ITGA9: variants seen among roughly 807,000 people sequenced by gnomAD.
ITGA9 encodes the protein integrin subunit alpha 9.
Under a neutral mutation model 127.8 loss-of-function variants are expected in ITGA9, and 56 were observed. The ratio of observed to expected loss-of-function variants is 0.44; its 90% CI spans 0.35 to 0.55. The LOEUF (loss-of-function observed/expected upper bound fraction) is 0.55, where lower values mean the gene tolerates loss of function less well. Among genes scored for constraint, ITGA9 ranks in the 20% least tolerant of loss-of-function variants. The pLI is 0.00. For missense variants in ITGA9, 1,196 were observed against 1,347.1 expected, an observed-to-expected ratio of 0.89 and a Z score of 1.76; for synonymous variants, 508 against 514.5, an observed-to-expected ratio of 0.99 and a Z score of 0.17.
chr3:37,494,736 G>A (rs1019295304), intron 5 of ITGA9, among the ~76,000 whole-genome samples, 168 bp downstream of exon 5: 12 of 152,162 alleles, frequency 7.9e-5, no homozygotes, highest in African/African-American at 2.9e-4. Flanking sequence ...TACCTGCCCG[G>A]AGGGCACCAG....
At chr3:37,621,221 A>G (rs1161389949) in intron 15 of ITGA9, among the ~76,000 whole-genome samples, 1 of 152,138 alleles carries the variant, frequency 6.6e-6, no homozygotes, top group African/African-American at 2.4e-5. Context: ...GCCTTCCACC[A>G]TGGTTGTGAG....
At chr3:37,505,767 A>G (rs1698834058) in intron 6 of ITGA9, among the ~76,000 whole-genome samples, 1 of 152,210 alleles carries the variant, frequency 6.6e-6, no homozygotes, top group Non-Finnish European at 1.5e-5. Flanking sequence ...TACTTGTCCG[A>G]AAGAAGACAC....
chr3:37,542,647 G>A (rs1699286171), intron 15 of ITGA9, 62 bp downstream of exon 15: 4 of 1,551,040 alleles, frequency 2.6e-6, no homozygotes, highest in East Asian at 4.5e-5. Flanking sequence ...ACTTGGAGCT[G>A]GTGGAAACTA....
rs74637780 is a variant in ITGA9 at position 37,571,140 on chromosome 3, G to A, written c.1689+28555G>A. On this transcript the variant is annotated intron_variant, in intron 15 of 27. Coordinates refer to ENST00000264741, the MANE Select transcript of ITGA9 (RefSeq NM_002207.3). ...TTTTGGGGGCAGGAGGGATTGCATAGCAATACTGCCTACCCAGAGTTGTTG... is the reference window on the plus strand; with the variant it reads ...TTTTGGGGGCAGGAGGGATTGCATAACAATACTGCCTACCCAGAGTTGTTG... Among the ~76,000 whole-genome samples the A allele has an allele frequency of 4.5e-4, 68 of 152,286 alleles. 1 individual carries two copies. The East Asian group carries it at 0.013, about 29-fold the overall frequency.
rs116851381 is a variant in ITGA9, at chr3:37,572,576, G to T, written c.1689+29991G>T. 3.3e-5 allele frequency among the ~76,000 whole-genome samples: 5 copies of T among 152,302 alleles called. No homozygotes were observed. In the East Asian group the frequency reaches 9.6e-4, roughly 29 times the overall value. On this transcript the variant is annotated intron_variant, in intron 15 of 27. Transcript: ENST00000264741. ...CAAATAAGATAATATAGCTCATGCA[G>T]TTAGAATTGGACCTGTCACTTACAG... is the stretch of plus-strand genomic sequence containing the variant.
chr3:37,617,331 C>T (rs1271232994), intron 15 of ITGA9, among the ~76,000 whole-genome samples: 6 of 152,230 alleles, frequency 3.9e-5, no homozygotes, highest in African/African-American at 1.4e-4. Flanking sequence ...CTGAGAGATC[C>T]ACTGTTAGTC....
chr3:37,633,896 G>GTT, intron 16 of ITGA9, among the ~76,000 whole-genome samples: 1 of 152,252 alleles, frequency 6.6e-6, no homozygotes, highest in Middle Eastern at 3.4e-3. Context: ...TTGAAATATG[G>GTT]TTTCTACTGA....
chr3:37,821,019 A>G lies in ITGA9; in HGVS notation c.*2030A>G, dbSNP rs1697508232. 2.0e-5 allele frequency: 3 copies of G among 152,222 alleles called. No individual in the cohort carries two copies. Among genetic ancestry groups the G allele is most frequent in the South Asian group, 4.1e-4 (2 of 4,824 alleles). The allele number at this position is 152,222 out of a possible 1,614,324, so 9.4% of individuals were successfully genotyped here. ...GGTGATGGGTGGGTACTAACCTGGC[A>G]TGGAGCAGGTGTGTCTTTTGGTTTC... On this transcript the variant is annotated 3_prime_UTR_variant, in exon 28 of 28. Coordinates refer to ENST00000264741, the MANE Select transcript of ITGA9 (RefSeq NM_002207.3).
chr3:37,572,922 A>G (rs1699616378), intron 15 of ITGA9, among the ~76,000 whole-genome samples: 1 of 152,240 alleles, frequency 6.6e-6, no homozygotes, highest in Non-Finnish European at 1.5e-5. Flanking sequence ...CTGTAAAATG[A>G]AGATGTGTAG....
At chr3:37,706,284 G>A (rs572144413) in intron 18 of ITGA9, among the ~76,000 whole-genome samples, 51 of 152,096 alleles carry the variant, frequency 3.4e-4, no homozygotes, top group African/African-American at 6.7e-4. Context: ...CTCCCTTTCC[G>A]TCTCAGTTGG....
chr3:37,633,310 G>C (rs1264371295), intron 16 of ITGA9, among the ~76,000 whole-genome samples: 1 of 152,082 alleles, frequency 6.6e-6, no homozygotes, highest in Non-Finnish European at 1.5e-5. Context: ...CTTGACTCAC[G>C]ATGGGGTTAT....
chr3:37,465,811 C>A (rs1439184750), intron 1 of ITGA9, among the ~76,000 whole-genome samples: 1 of 152,164 alleles, frequency 6.6e-6, no homozygotes, highest in Non-Finnish European at 1.5e-5. Flanking sequence ...CAAAGGCTCA[C>A]TGGGGCTTGC....
intron 23 of ITGA9, among the ~76,000 whole-genome samples, chr3:37,765,336 G>A (rs371829942): frequency 1.1e-4 from 16 of 152,258 alleles, no homozygotes; most frequent in African/African-American, 3.1e-4. Flanking sequence ...TATCAGAAAC[G>A]AAAGCTTCTT....
At chr3:37,638,747 A>T (rs1161836410) in intron 16 of ITGA9, among the ~76,000 whole-genome samples, 1 of 152,224 alleles carries the variant, frequency 6.6e-6, no homozygotes, top group Non-Finnish European at 1.5e-5. Flanking sequence ...TCAAATCATG[A>T]TGACCTTTTA....
At chr3:37,568,336 C>T (rs572119479) in intron 15 of ITGA9, among the ~76,000 whole-genome samples, 1 of 152,264 alleles carries the variant, frequency 6.6e-6, no homozygotes, top group East Asian at 1.9e-4. Context: ...ACCATTTTTT[C>T]CTCCTAGGCC....
chr3:37,590,979 C>T (rs931823456), intron 15 of ITGA9, among the ~76,000 whole-genome samples: 1 of 152,172 alleles, frequency 6.6e-6, no homozygotes, highest in African/African-American at 2.4e-5. Flanking sequence ...AGGAAGTCCT[C>T]GCCTCTGCTG....
chr3:37,568,683 G>A lies in ITGA9; in HGVS notation c.1689+26098G>A, dbSNP rs185064117. Among the ~76,000 whole-genome samples, 573 of 152,214 alleles carry A rather than the reference G, an allele frequency of 3.8e-3. 7 individuals carry two copies. Among genetic ancestry groups the A allele is most frequent in the African/African-American group, 0.013 (549 of 41,516 alleles). On this transcript the variant is annotated intron_variant, in intron 15 of 27. Transcript: ENST00000264741. ...AAGTTCCACAAACCTCTAGAGCAGGGGCAAAATGCCACCAGTCTCTTTGCT... is the reference window on the plus strand; with the variant it reads ...AAGTTCCACAAACCTCTAGAGCAGGAGCAAAATGCCACCAGTCTCTTTGCT...
chr3:37,512,176 TTTC>T (rs1698935253), intron 8 of ITGA9, among the ~76,000 whole-genome samples: 1 of 51,640 alleles, frequency 1.9e-5, no homozygotes, highest in East Asian at 5.3e-4. Context: ...TTTCTTTTCT[TTTC>T]TTTTCTTTTC....
At chr3:37,557,901 T>C (rs1296020331) in intron 15 of ITGA9, among the ~76,000 whole-genome samples, 1 of 152,180 alleles carries the variant, frequency 6.6e-6, no homozygotes, top group African/African-American at 2.4e-5. Context: ...AGCAGCCAAG[T>C]CTTGGGTTTG....
Sources: allele counts gnomAD v4.1 joint callset (sites outside exome capture counted in the v4.1 genomes callset), GRCh38; gene constraint gnomAD v4.1.1; transcripts MANE v1.5; gene names NCBI Gene and HGNC (gene_info 2026-07-23, HGNC 2026-07-21).